The following PTPRS variants were observed in gnomAD, a reference collection of about 807,000 sequenced individuals.
PTPRS encodes the protein protein tyrosine phosphatase receptor type S.
A neutral mutation model predicts 215.3 loss-of-function variants in PTPRS; 63 were observed. The ratio of observed to expected loss-of-function variants is 0.29; its 90% confidence interval spans 0.24 to 0.36. The LOEUF is 0.36. Among genes scored for constraint, PTPRS ranks in the 10% least tolerant of loss-of-function variants. PTPRS has a pLI of 1.00. For synonymous variants in PTPRS, 1,404 were observed against 1,191.4 expected (o/e 1.18, Z -3.68); for missense variants, 2,258 against 2,825.8 (o/e 0.80, Z 4.56).
intron 1 of PTPRS, among the ~76,000 whole-genome samples, chr19:5,311,114 G>C (rs1568604811): frequency 6.6e-6 from 1 of 151,912 alleles, no homozygotes; most frequent in East Asian, 1.9e-4. Flanking sequence ...TCCTGACCTC[G>C]TGATCCACCT....
At chr19:5,256,777 C>T (rs2045586492) in intron 8 of PTPRS, among the ~76,000 whole-genome samples, 1 of 152,088 alleles carries the variant, frequency 6.6e-6, no homozygotes, top group Non-Finnish European at 1.5e-5. Flanking sequence ...ACCTCCTCCT[C>T]AGAGACAAAA....
intron 1 of PTPRS, among the ~76,000 whole-genome samples, chr19:5,333,306 CA>C (rs200519056): frequency 2.7e-4 from 32 of 120,508 alleles, no homozygotes; most frequent in Admixed American, 7.8e-4. Flanking sequence ...CCCATCTCTA[CA>C]AAAAAAAAAT....
Position 5,221,052 on chromosome 19 carries a change from C to G in PTPRS, c.3403G>C (p.Asp1135His), listed in dbSNP as rs755938901. ...GGAAGATACACCATGATGAAGCCGT[C>G]AGCATCAGGCTTGGGGGCGACGCTG... Reference protein sequence around the residue: ...KPSVAPKPDADGFIMVYLPDG... With the variant: ...KPSVAPKPDAHGFIMVYLPDG... The change falls in exon 20 of 38, where the codon GAC (aspartate) becomes CAC (histidine). Residue 1135 changes from aspartate (D) to histidine (H), a missense_variant. By Grantham distance (81) the Asp-to-His change is moderately conservative. Transcript: ENST00000262963. 8.7e-6 allele frequency: 14 copies of G among 1,613,660 alleles called. No homozygotes were observed. Among genetic ancestry groups the G allele is most frequent in the Non-Finnish European group, 1.2e-5 (14 of 1,179,936 alleles).
At position 5,257,025 on chromosome 19, in the gene PTPRS, T is replaced by C. The variant is rs1244742469; in HGVS notation, c.707-906A>G. On this transcript the variant is annotated intron_variant, in intron 8 of 37. Coordinates refer to ENST00000262963, the MANE Select transcript of PTPRS (RefSeq NM_002850.4). The surrounding 1 kb of genome is among the most constrained non-coding windows in gnomAD (Gnocchi z 4.4). ...CAGCCCTAGGGATTGAAGGGCGCCC[T>C]GGCATCCTGGCAGAAGCTGTTTCTA... Among the ~76,000 whole-genome samples the C allele has an allele frequency of 1.3e-5, 2 of 151,732 alleles. No individual in the cohort carries two copies. The highest frequency in any genetic ancestry group is 3.9e-4 in the East Asian group (2 of 5,134).
intron 1 of PTPRS, among the ~76,000 whole-genome samples, chr19:5,312,506 C>T (rs1231891581): frequency 6.6e-6 from 1 of 151,660 alleles, no homozygotes; most frequent in Non-Finnish European, 1.5e-5. Context: ...CAAAAAAATA[C>T]AAAAATTAGC....
At chr19:5,318,604 T>A (rs757803854) in intron 1 of PTPRS, among the ~76,000 whole-genome samples, 1 of 152,132 alleles carries the variant, frequency 6.6e-6, no homozygotes, top group Non-Finnish European at 1.5e-5. Context: ...TCACACCACC[T>A]GAGAAGCAGC....
chr19:5,219,794 C>T (rs2041815124), intron 22 of PTPRS, 145 bp downstream of exon 22: 3 of 975,696 alleles, frequency 3.1e-6, no homozygotes, highest in Non-Finnish European at 4.6e-6. Flanking sequence ...TTTCAGGATC[C>T]CTCCGCTCCC....
At chr19:5,273,896 C>T (rs1411098549) in intron 3 of PTPRS, among the ~76,000 whole-genome samples, 4 of 152,172 alleles carry the variant, frequency 2.6e-5, no homozygotes, top group Middle Eastern at 3.2e-3. Context: ...TCAATGTGCA[C>T]GTGTGATCAT....
chr19:5,257,989 C>A lies in PTPRS; in HGVS notation c.706+28G>T. Reference sequence around the variant, plus strand: ...GGGGATGGGACGGGGCGGGTCCCTGCCTTTGACCTGGACGCGGCGTTCCCT... The same window carrying A: ...GGGGATGGGACGGGGCGGGTCCCTGACTTTGACCTGGACGCGGCGTTCCCT... On this transcript the variant is annotated intron_variant, in intron 8 of 37. Transcript: ENST00000262963. The surrounding 1 kb of genome is among the most constrained non-coding windows in gnomAD (Gnocchi z 4.4). 1 of 1,592,226 alleles carries A rather than the reference C, an allele frequency of 6.3e-7. No homozygotes were observed. The highest frequency in any genetic ancestry group is 2.2e-5 in the East Asian group (1 of 44,712).
At chr19:5,310,474 T>C (rs934913494) in intron 1 of PTPRS, among the ~76,000 whole-genome samples, 3 of 149,944 alleles carry the variant, frequency 2.0e-5, no homozygotes, top group African/African-American at 7.4e-5. Flanking sequence ...CCCACCACCA[T>C]ACCCAGCTAA....
rs1041351468 is a variant in PTPRS at position 5,331,128 on chromosome 19, T to TAAAAAA, written c.-95+9530_-95+9535dup. On this transcript the variant is annotated intron_variant, in intron 1 of 37. Transcript: ENST00000262963. The stretch of plus-strand genomic sequence containing the variant: ...CAGCATAAGTCAGGGCTTCTTTTTT[T>TAAAAAA]AAAAAAAAAAAAAAAAAAAAAAGAG... Among the ~76,000 whole-genome samples the TAAAAAA allele has an allele frequency of 8.0e-3, 802 of 100,054 alleles. 25 individuals are homozygous for TAAAAAA. The highest frequency in any genetic ancestry group is 0.031 in the African/African-American group (723 of 23,296). The allele number at this position is 100,054 out of a possible 152,430, so 65.6% of individuals were successfully genotyped here.
Position 5,315,683 on chromosome 19 carries a change from C to T in PTPRS, c.-95+24981G>A, listed in dbSNP as rs979409107. Among the ~76,000 whole-genome samples the T allele has an allele frequency of 2.7e-5, 4 of 148,670 alleles. No homozygotes were observed. The South Asian group carries it at 6.4e-4, about 24-fold the overall frequency. On this transcript the variant is annotated intron_variant, in intron 1 of 37. Transcript: ENST00000262963. ...CCTGGCTAGTTTTTTGCAGAGATGGCGTCTTGCTATGTTGCCCCACCTGAT... is the reference window on the plus strand; with the variant it reads ...CCTGGCTAGTTTTTTGCAGAGATGGTGTCTTGCTATGTTGCCCCACCTGAT...
At chr19:5,296,031 C>T (rs185240519) in intron 1 of PTPRS, among the ~76,000 whole-genome samples, 3 of 152,070 alleles carry the variant, frequency 2.0e-5, no homozygotes, top group Non-Finnish European at 4.4e-5. Context: ...GCTGGGATCA[C>T]AGACATGAGC....
At chr19:5,228,113 C>A (rs989076428) in intron 16 of PTPRS, among the ~76,000 whole-genome samples, 1 of 151,924 alleles carries the variant, frequency 6.6e-6, no homozygotes. Flanking sequence ...GGAACATTCC[C>A]TCTAGATCCA....
At chr19:5,334,968 C>T (rs1398703622) in intron 1 of PTPRS, among the ~76,000 whole-genome samples, 4 of 152,232 alleles carry the variant, frequency 2.6e-5, no homozygotes, top group Admixed American at 1.3e-4. Flanking sequence ...ATTATCCCCC[C>T]GACATCCCCT....
intron 4 of PTPRS, among the ~76,000 whole-genome samples, chr19:5,265,712 G>A (rs2146395135): frequency 6.6e-6 from 1 of 151,928 alleles, no homozygotes; most frequent in Middle Eastern, 3.4e-3. Context: ...ATTTCTCACT[G>A]GGGGGTGACT....
intron 7 of PTPRS, among the ~76,000 whole-genome samples, chr19:5,260,578 C>T (rs1259601548): frequency 2.0e-5 from 3 of 152,324 alleles, no homozygotes; most frequent in East Asian, 3.9e-4. Context: ...AGAGCGCCCC[C>T]GCCTTCCACA....
intron 6 of PTPRS, among the ~76,000 whole-genome samples, 168 bp from the exon 7 acceptor site, chr19:5,260,990 A>G (rs748151058): frequency 6.6e-6 from 1 of 152,054 alleles, no homozygotes; most frequent in Non-Finnish European, 1.5e-5. Context: ...TTGCTGAGGA[A>G]GCTAGGAGAG....
intron 1 of PTPRS, among the ~76,000 whole-genome samples, chr19:5,309,237 CTTGGGCAAGTGCCTT>C (rs1192062500): frequency 3.9e-5 from 6 of 152,130 alleles, no homozygotes; most frequent in African/African-American, 1.4e-4. Context: ...GCTGTGTGGC[CTTGGGCAAGTGCCTT>C]AACCTCTCTG....
Sources: allele counts gnomAD v4.1 joint callset (sites outside exome capture counted in the v4.1 genomes callset), GRCh38; gene constraint gnomAD v4.1.1; non-coding constraint Gnocchi (gnomAD v3.1); transcripts MANE v1.5; gene names NCBI Gene and HGNC (gene_info 2026-07-23, HGNC 2026-07-21).